The following ARHGEF10 variants were observed in gnomAD, a reference collection of about 807,000 sequenced individuals.
ARHGEF10 encodes Rho guanine nucleotide exchange factor (GEF) 10.
A neutral mutation model predicts 147.4 loss-of-function variants in ARHGEF10; 140 were observed. That is an observed-to-expected ratio of 0.95 (90% CI 0.83 to 1.09). The LOEUF (loss-of-function observed/expected upper bound fraction) is 1.09, where lower values mean the gene tolerates loss of function less well. Ranked by LOEUF, ARHGEF10 falls within the 50% of genes least tolerant of loss-of-function variation. The pLI, the probability that ARHGEF10 is intolerant of heterozygous loss-of-function variation, is 0.00. For missense variants in ARHGEF10, 2,222 were observed against 1,752.7 expected, an observed-to-expected ratio of 1.27 and a Z score of -4.78; for synonymous variants, 902 against 695.8, an observed-to-expected ratio of 1.30 and a Z score of -4.67.
At chr8:1,837,001 T>A (rs1186910565) in intron 1 of ARHGEF10, among the ~76,000 whole-genome samples, 1 of 152,222 alleles carries the variant, frequency 6.6e-6, no homozygotes, top group Non-Finnish European at 1.5e-5. Flanking sequence ...ATAAGTCCAA[T>A]TAAAGCTCTT....
chr8:1,876,304 G>A, intron 7 of ARHGEF10: 2 of 531,304 alleles, frequency 3.8e-6, no homozygotes, highest in Admixed American at 3.2e-5. Context: ...CCCATAGCCA[G>A]GTGGTCCTCG....
At chr8:1,895,495 A>G in intron 13 of ARHGEF10, among the ~76,000 whole-genome samples, 1 of 152,222 alleles carries the variant, frequency 6.6e-6, no homozygotes, top group East Asian at 1.9e-4. Context: ...ATTCTTTCAA[A>G]GATATTTGCA....
At chr8:1,866,293 G>A (rs890959907) in intron 5 of ARHGEF10, among the ~76,000 whole-genome samples, 3 of 152,184 alleles carry the variant, frequency 2.0e-5, no homozygotes, top group Non-Finnish European at 2.9e-5. Flanking sequence ...GTTCTGTGCC[G>A]TGCGTAGGCC....
At chr8:1,921,862 C>G (rs1278574493) in intron 18 of ARHGEF10, among the ~76,000 whole-genome samples, 1 of 152,214 alleles carries the variant, frequency 6.6e-6, no homozygotes, top group Non-Finnish European at 1.5e-5. Flanking sequence ...GCCTGTCCTG[C>G]TGAAACACAA....
At chr8:1,899,484 C>T (rs1810287894) in intron 15 of ARHGEF10, among the ~76,000 whole-genome samples, 1 of 152,144 alleles carries the variant, frequency 6.6e-6, no homozygotes, top group Admixed American at 6.5e-5. Flanking sequence ...TGTGAAGTCC[C>T]CTTCCATTGA....
rs202105611 is a variant in ARHGEF10, at chr8:1,929,296, T to C, written c.2932T>C (p.Tyr978His). Residue 978 changes from tyrosine to histidine, a missense_variant, in exon 25 of 29, where the codon TAT becomes CAT. Physicochemically the swap from Tyr to His is moderately conservative, Grantham distance 83. Coordinates refer to ENST00000349830, the MANE Select transcript of ARHGEF10 (RefSeq NM_014629.4). ...VGTEEGSISI[Y>H]KSSQGSKKVR... ...ATTTTTCTCTTAAAGCATTTCCATT[T>C]ATAAAAGCAGTCAAGGCTCCAAGAA... 1.2e-6 allele frequency: 2 copies of C among 1,614,142 alleles called. No individual in the cohort carries two copies. The highest frequency in any genetic ancestry group is 2.2e-5 in the East Asian group (1 of 44,886).
rs150381137 is a variant in ARHGEF10 at position 1,902,774 on chromosome 8, T to G, written c.1651-507T>G. Among the ~76,000 whole-genome samples, 130 of 152,296 alleles carry G rather than the reference T, an allele frequency of 8.5e-4. 2 individuals carry two copies. The East Asian group carries it at 0.021, about 25-fold the overall frequency. The stretch of plus-strand genomic sequence containing the variant: ...GGACCCACCACGATAGTGTCATGCA[T>G]CTTTGCCGCCCTAAAATCAGGTTCC... On this transcript the variant is annotated intron_variant, in intron 15 of 28. Transcript: ENST00000349830.
At chr8:1,877,180 TG>T (rs1314310556) in intron 8 of ARHGEF10, among the ~76,000 whole-genome samples, 5 of 152,250 alleles carry the variant, frequency 3.3e-5, no homozygotes, top group Non-Finnish European at 7.3e-5. Flanking sequence ...AAATAGAAGA[TG>T]TTAAGGGACA....
chr8:1,836,394 G>C (rs1473816760), intron 1 of ARHGEF10, among the ~76,000 whole-genome samples: 5 of 152,144 alleles, frequency 3.3e-5, no homozygotes, highest in African/African-American at 1.2e-4. Context: ...CCAGGGCAGG[G>C]AGAGTGAGCC....
chr8:1,909,006 AGCACCGAGCT>A (rs1246764564), intron 17 of ARHGEF10, among the ~76,000 whole-genome samples: 1 of 152,238 alleles, frequency 6.6e-6, no homozygotes, highest in Non-Finnish European at 1.5e-5. Context: ...GTCATCAGCA[AGCACCGAGCT>A]GCTTCCTGTT....
intron 14 of ARHGEF10, 117 bp from the exon 15 acceptor site, chr8:1,898,316 C>A (rs1810177001): frequency 1.1e-6 from 1 of 871,328 alleles, no homozygotes; most frequent in Non-Finnish European, 1.9e-6. Context: ...TAGCTGAAGA[C>A]AAGGTGCAGG....
chr8:1,948,909 C>T lies in ARHGEF10; in HGVS notation c.3397+3254C>T, dbSNP rs1007144553. ...GCTCCTGGGTTCTTCTCCTCCTTATCGTCCAAGATGGTTCCTGGAGGCCCA... is the reference window on the plus strand; with the variant it reads ...GCTCCTGGGTTCTTCTCCTCCTTATTGTCCAAGATGGTTCCTGGAGGCCCA... On this transcript the variant is annotated intron_variant, in intron 27 of 28. Transcript: ENST00000349830. The surrounding 1 kb of genome is among the most constrained non-coding windows in gnomAD (Gnocchi z 4.9). Among the ~76,000 whole-genome samples the T allele has an allele frequency of 5.9e-5, 9 of 152,146 alleles. No individual in the cohort carries two copies. Among genetic ancestry groups the T allele is most frequent in the Admixed American group, 1.3e-4 (2 of 15,268 alleles).
intron 20 of ARHGEF10, 54 bp downstream of exon 20, chr8:1,923,649 G>T (rs1812465416): frequency 6.2e-7 from 1 of 1,614,134 alleles, no homozygotes; most frequent in Non-Finnish European, 8.5e-7. Flanking sequence ...GGAGAAAATG[G>T]TTCTTTGTCA....
intron 27 of ARHGEF10, among the ~76,000 whole-genome samples, chr8:1,951,775 C>T (rs1009457974): frequency 2.6e-5 from 4 of 152,194 alleles, no homozygotes; most frequent in East Asian, 3.9e-4. Flanking sequence ...GTGTGAAGGC[C>T]GCGATGCTGA....
In ARHGEF10 at chr8:1,869,123, G is replaced by T. The variant is rs374516520; in HGVS notation, c.623-71G>T. 4 of 1,331,632 alleles carry T rather than the reference G, an allele frequency of 3.0e-6. No individual in the cohort carries two copies. The East Asian group carries it at 9.2e-5, about 31-fold the overall frequency. The allele number at this position is 1,331,632 out of a possible 1,614,324, so 82.5% of individuals were successfully genotyped here. Reference sequence around the variant, plus strand: ...AATCATGACATCATCGGCGACTGTGGCCCTGTAAAATTTAAATTGCACTAG... The same window carrying T: ...AATCATGACATCATCGGCGACTGTGTCCCTGTAAAATTTAAATTGCACTAG... On this transcript the variant is annotated intron_variant, in intron 6 of 28. Transcript: ENST00000349830.
chr8:1,922,203 T>C (rs1485096430), intron 18 of ARHGEF10, among the ~76,000 whole-genome samples: 1 of 150,420 alleles, frequency 6.6e-6, no homozygotes, highest in Non-Finnish European at 1.5e-5. Context: ...CTTGGGCAAA[T>C]AGACCCCGGG....
intron 1 of ARHGEF10, among the ~76,000 whole-genome samples, chr8:1,832,631 CAG>C (rs147496494): frequency 0.25 from 11,249 of 45,662 alleles, 3,449 homozygotes; most frequent in Middle Eastern, 0.31. Flanking sequence ...CAGAGAGAGA[CAG>C]AGGCAGAGGC....
intron 1 of ARHGEF10, among the ~76,000 whole-genome samples, chr8:1,824,513 C>A (rs1050053179): frequency 6.6e-6 from 1 of 151,760 alleles, no homozygotes; most frequent in Non-Finnish European, 1.5e-5. Context: ...AGAGAAGGAC[C>A]GGTGTAAGGA....
chr8:1,859,176 C>G lies in ARHGEF10; in HGVS notation c.194-721C>G, dbSNP rs1301027412. ...ACACGGTGTTTCTTTGTGCACAGCA[C>G]CAGCCTCTCGGTTGTTTGCCCGGTG... On this transcript the variant is annotated intron_variant, in intron 3 of 28. Coordinates refer to ENST00000349830, the MANE Select transcript of ARHGEF10 (RefSeq NM_014629.4). Among the ~76,000 whole-genome samples, 405 of 151,838 alleles carry G rather than the reference C, an allele frequency of 2.7e-3. 4 individuals are homozygous for G. Among genetic ancestry groups the G allele is most frequent in the Non-Finnish European group, 2.8e-3 (191 of 67,934 alleles).
Sources: gnomAD v4.1 joint callset for allele counts (sites outside exome capture counted in the v4.1 genomes callset) on GRCh38, gnomAD v4.1.1 for gene constraint, Gnocchi (gnomAD v3.1) non-coding constraint, MANE v1.5 for transcripts, NCBI Gene and HGNC (gene_info 2026-07-23, HGNC 2026-07-21) for gene names.